The following TMEM272 variants were observed in gnomAD, a reference collection of about 807,000 sequenced individuals.
TMEM272 encodes the protein long intergenic non-protein coding RNA 282.
TMEM272 carries 8 observed loss-of-function variants against 3.7 expected under a neutral mutation model. The observed-to-expected ratio is 2.17, with a 90% confidence interval of 1.27 to 3.91. The LOEUF (loss-of-function observed/expected upper bound fraction) is 3.91, where lower values mean the gene tolerates loss of function less well. Among genes scored for constraint, TMEM272 ranks in the 30% most tolerant of loss-of-function variants. The pLI is 0.00. For missense variants in TMEM272, 166 were observed against 91.5 expected, an observed-to-expected ratio of 1.81 and a Z score of -3.32; for synonymous variants, 63 against 39.8, an observed-to-expected ratio of 1.58 and a Z score of -2.20.
rs923437304 is a variant in TMEM272 at position 51,815,125 on chromosome 13, A to G, written c.*1626T>C. 6.5e-6 allele frequency: 1 copy of G among 152,948 alleles called. No individual in the cohort carries two copies. Among genetic ancestry groups the G allele is most frequent in the Admixed American group, 6.5e-5 (1 of 15,284 alleles). 9.5% of individuals were successfully genotyped at this position (152,948 alleles called of 1,614,324 possible). ...GCCCACAGACTCTCCCCAGTCCCCA[A>G]CACAGAGAGGGCAACGTGGGACACA... On this transcript the variant is annotated 3_prime_UTR_variant, in exon 5 of 5. Coordinates refer to ENST00000629372, the MANE Select transcript of TMEM272 (RefSeq NM_001351003.2).
chr13:51,909,974 A>G, the TMEM272 span: 37 of 1,583,842 alleles, frequency 2.3e-5, no homozygotes, highest in Non-Finnish European at 2.7e-5. Context: ...CCTGAAGTTG[A>G]CAATTTTCAC....
the TMEM272 span, among the ~76,000 whole-genome samples, chr13:51,920,492 C>A: frequency 2.0e-5 from 3 of 152,168 alleles, no homozygotes; most frequent in East Asian, 1.9e-4. Context: ...TGTCTCCCAG[C>A]AGCTTTGCAA....
the TMEM272 span, among the ~76,000 whole-genome samples, chr13:51,893,699 G>T: frequency 6.6e-6 from 1 of 152,062 alleles, no homozygotes; most frequent in African/African-American, 2.4e-5. Context: ...GAATGTGATC[G>T]TGCTCAGAGG....
upstream of TMEM272, among the ~76,000 whole-genome samples, chr13:51,849,652 T>C (rs953178982): frequency 2.6e-5 from 4 of 152,210 alleles, no homozygotes; most frequent in African/African-American, 9.7e-5. Context: ...GCAGAGGCCC[T>C]GTGGGAGGAT....
At chr13:51,866,738 C>A in the TMEM272 span, among the ~76,000 whole-genome samples, 1 of 152,170 alleles carries the variant, frequency 6.6e-6, no homozygotes, top group Non-Finnish European at 1.5e-5. Flanking sequence ...AAGAGTGCGG[C>A]CCCCAAGAGC....
chr13:51,887,196 G>C, the TMEM272 span, among the ~76,000 whole-genome samples: 1 of 152,146 alleles, frequency 6.6e-6, no homozygotes, highest in African/African-American at 2.4e-5. Context: ...TGGTCTTATG[G>C]GGGAGTTGAT....
At chr13:51,864,867 T>C in the TMEM272 span, among the ~76,000 whole-genome samples, 1 of 152,156 alleles carries the variant, frequency 6.6e-6, no homozygotes, top group African/African-American at 2.4e-5. Flanking sequence ...ACTCCTCTCC[T>C]AAAATACACT....
the TMEM272 span, among the ~76,000 whole-genome samples, chr13:51,877,212 A>G: frequency 6.6e-6 from 1 of 152,232 alleles, no homozygotes; most frequent in Non-Finnish European, 1.5e-5. Context: ...CTGTGTAACT[A>G]AACACTTCAG....
At chr13:51,865,736 A>G in the TMEM272 span, 3 of 1,614,010 alleles carry the variant, frequency 1.9e-6, no homozygotes, top group South Asian at 3.3e-5. Flanking sequence ...GGAAGAGAAA[A>G]CTTTCTGGAA....
chr13:51,870,526 C>CCCT, the TMEM272 span, among the ~76,000 whole-genome samples: 7 of 9,196 alleles, frequency 7.6e-4, no homozygotes, highest in Non-Finnish European at 1.4e-3. Context: ...GGCTTCTACT[C>CCCT]CCTCAAGTCC....
chr13:51,849,337 G>A (rs961706930), upstream of TMEM272, among the ~76,000 whole-genome samples: 1 of 152,218 alleles, frequency 6.6e-6, no homozygotes, highest in African/African-American at 2.4e-5. Flanking sequence ...CCAGGGGCTG[G>A]AGGAAGGGGA....
chr13:51,857,975 T>C, the TMEM272 span, among the ~76,000 whole-genome samples: 1 of 152,132 alleles, frequency 6.6e-6, no homozygotes, highest in Non-Finnish European at 1.5e-5. Flanking sequence ...AAGATCAAAG[T>C]AGAACTTAAG....
the TMEM272 span, among the ~76,000 whole-genome samples, chr13:51,859,021 A>C: frequency 6.6e-6 from 1 of 152,170 alleles, no homozygotes; most frequent in African/African-American, 2.4e-5. Flanking sequence ...AGAATGACTG[A>C]GTAAGGGTTA....
At chr13:51,882,945 G>A in the TMEM272 span, among the ~76,000 whole-genome samples, 1 of 152,180 alleles carries the variant, frequency 6.6e-6, no homozygotes, top group Non-Finnish European at 1.5e-5. Context: ...GCACTAGGCT[G>A]GTGCCCTGGC....
At chr13:51,866,048 C>T in the TMEM272 span, 38 of 1,594,348 alleles carry the variant, frequency 2.4e-5, no homozygotes, top group African/African-American at 4.3e-4. Flanking sequence ...CAGAGGGCAG[C>T]GCTTGCTGGC....
At chr13:51,821,261 T>C (rs778700317) in intron 4 of TMEM272, among the ~76,000 whole-genome samples, 4 of 152,162 alleles carry the variant, frequency 2.6e-5, no homozygotes, top group African/African-American at 4.8e-5. Flanking sequence ...GGCTTTGATA[T>C]AGAAAGTGGT....
the TMEM272 span, among the ~76,000 whole-genome samples, chr13:51,882,458 T>C: frequency 6.6e-6 from 1 of 152,214 alleles, no homozygotes; most frequent in Admixed American, 6.5e-5. Flanking sequence ...TTTTGTAAAT[T>C]AGCGTCCTAA....
the TMEM272 span, among the ~76,000 whole-genome samples, chr13:51,854,505 T>C: frequency 6.6e-6 from 1 of 152,190 alleles, no homozygotes; most frequent in Non-Finnish European, 1.5e-5. Context: ...CTTCTCTGAC[T>C]CCCCAGCTAT....
the TMEM272 span, among the ~76,000 whole-genome samples, chr13:51,866,693 G>A: frequency 7.2e-5 from 11 of 152,304 alleles, no homozygotes; most frequent in South Asian, 6.2e-4. Context: ...CTCAGGCAGC[G>A]TGAGAATGGG....
Sources: allele counts gnomAD v4.1 joint callset (sites outside exome capture counted in the v4.1 genomes callset), GRCh38; gene constraint gnomAD v4.1.1; transcripts MANE v1.5; gene names NCBI Gene and HGNC (gene_info 2026-07-23, HGNC 2026-07-21).